KHDC1: variants seen among roughly 807,000 people sequenced by gnomAD.
KHDC1 encodes the protein KH homology domain-containing protein 1.
KHDC1 carries 21 observed loss-of-function variants against 24.7 expected under a neutral mutation model. That is an observed-to-expected ratio of 0.85 (90% CI 0.60 to 1.23). The LOEUF is 1.23. KHDC1 is among the 50% of genes most tolerant of loss of function. The probability of loss-of-function intolerance (pLI) is 0.00; values close to 1 mark genes in which losing one functional copy is unlikely to be tolerated. For missense variants in KHDC1, 274 were observed against 298.5 expected, an observed-to-expected ratio of 0.92 and a Z score of 0.61; for synonymous variants, 98 against 111.7, an observed-to-expected ratio of 0.88 and a Z score of 0.77.
chr6:73,265,422 G>A (rs966973202), intron 2 of KHDC1, among the ~76,000 whole-genome samples: 8 of 151,756 alleles, frequency 5.3e-5, no homozygotes, highest in South Asian at 4.2e-4. Flanking sequence ...CCAGCTACTC[G>A]GGAGGCTGAG....
In KHDC1 at chr6:73,263,158, C is replaced by T. The variant is rs1033939924; in HGVS notation, c.207-20628G>A. ...CACCCGACCCTTCCAGGGGTCCCGG[C>T]TCGCGCCGCGGCCGCGCGAGGCGCG... On this transcript the variant is annotated intron_variant, in intron 2 of 4. Coordinates refer to ENST00000370384, the Ensembl canonical transcript of KHDC1. 87 of 987,448 alleles carry T rather than the reference C, an allele frequency of 8.8e-5. No homozygotes were observed. In the Admixed American group the frequency reaches 1.0e-3, roughly 12 times the overall value. 61.2% of individuals were successfully genotyped at this position (987,448 alleles called of 1,614,324 possible).
At chr6:73,275,795 C>G (rs1767279721) in intron 2 of KHDC1, 1 of 152,908 alleles carries the variant, frequency 6.5e-6, no homozygotes, top group Admixed American at 6.6e-5. Context: ...TCCTGGTGTT[C>G]CAGAAGGAGT....
At chr6:73,281,718 A>C (rs996990089) in intron 2 of KHDC1, among the ~76,000 whole-genome samples, 5 of 151,812 alleles carry the variant, frequency 3.3e-5, no homozygotes, top group African/African-American at 1.2e-4. Context: ...TATTATTAAC[A>C]TCTTATATTA....
Position 73,304,670 on chromosome 6 carries a change from A to G in KHDC1, c.163+4882T>C, listed in dbSNP as rs187697575. On this transcript the variant is annotated intron_variant, in intron 1 of 4. Coordinates refer to ENST00000370384, the Ensembl canonical transcript of KHDC1. ...TGACATATATTACATACTTTAAAAC[A>G]AAAATTAAGTAAAATCAAAGAAAAG... 1.2e-4 allele frequency among the ~76,000 whole-genome samples: 18 copies of G among 152,286 alleles called. No individual in the cohort carries two copies. The East Asian group carries it at 3.5e-3, about 29-fold the overall frequency.
chr6:73,294,420 G>A (rs923671471), intron 1 of KHDC1, among the ~76,000 whole-genome samples: 2 of 151,980 alleles, frequency 1.3e-5, no homozygotes, highest in Admixed American at 1.3e-4. Flanking sequence ...ATACATATTT[G>A]TGGAATAATT....
intron 2 of KHDC1, among the ~76,000 whole-genome samples, chr6:73,261,121 C>T (rs1766972316): frequency 6.6e-6 from 1 of 152,204 alleles, no homozygotes; most frequent in South Asian, 2.1e-4. Context: ...AAGTCTTGCC[C>T]TCTCTTTAGA....
intron 2 of KHDC1, chr6:73,269,225 C>G (rs12530026): frequency 6.5e-6 from 1 of 152,934 alleles, no homozygotes. Context: ...AAGCACCGCG[C>G]ACAGCCCCGG....
chr6:73,285,437 T>C (rs1359386306), intron 2 of KHDC1, among the ~76,000 whole-genome samples: 1 of 151,964 alleles, frequency 6.6e-6, no homozygotes, highest in Non-Finnish European at 1.5e-5. Context: ...GTTCAAGCAA[T>C]TCTCCTGCCT....
In KHDC1 at chr6:73,242,463, T is replaced by G. The variant is rs757105696; in HGVS notation, c.274A>C (p.Asn92His). Residue 92 changes from asparagine (N) to histidine (H), a missense_variant, in exon 3 of 5, where the codon AAC (asparagine) becomes CAC (histidine). By Grantham distance (68) the Asn-to-His change is moderately conservative (BLOSUM62 1). Coordinates refer to ENST00000370384, the Ensembl canonical transcript of KHDC1. ...TGAAACACCATTGGTGCATGAAAGT[T>G]TTGAGGCAGGGTCCACCACGGCTTC... The G allele has an allele frequency of 2.2e-5, 35 of 1,614,040 alleles. No homozygotes were observed. The highest frequency in any genetic ancestry group is 3.0e-5 in the Non-Finnish European group (35 of 1,180,032).
intron 2 of KHDC1, among the ~76,000 whole-genome samples, chr6:73,253,461 G>A (rs997224916): frequency 1.3e-5 from 2 of 152,006 alleles, no homozygotes; most frequent in Non-Finnish European, 2.9e-5. Context: ...GCTGAGGCAG[G>A]AGAATGGTGT....
intron 2 of KHDC1, among the ~76,000 whole-genome samples, chr6:73,289,556 C>A (rs183080197): frequency 4.6e-5 from 7 of 151,378 alleles, no homozygotes; most frequent in African/African-American, 1.2e-4. Flanking sequence ...GAGGCTGACA[C>A]ATGAGAATCA....
At chr6:73,242,941 A>C (rs187795515) in intron 2 of KHDC1, among the ~76,000 whole-genome samples, 50 of 152,286 alleles carry the variant, frequency 3.3e-4, no homozygotes, top group South Asian at 8.3e-4. Flanking sequence ...GTATTCCAAC[A>C]AGACGGGGTT....
At chr6:73,304,243 A>G (rs887225489) in intron 1 of KHDC1, among the ~76,000 whole-genome samples, 2 of 152,198 alleles carry the variant, frequency 1.3e-5, no homozygotes, top group African/African-American at 4.8e-5. Flanking sequence ...GAAGCTGTGT[A>G]GTGGGTGTAT....
chr6:73,255,692 G>T (rs576841325), intron 2 of KHDC1, among the ~76,000 whole-genome samples: 1 of 148,922 alleles, frequency 6.7e-6, no homozygotes, highest in South Asian at 2.2e-4. Context: ...ACCTGAGGTC[G>T]GGAGTTCAAG....
At chr6:73,284,085 A>G (rs1264683752) in intron 2 of KHDC1, among the ~76,000 whole-genome samples, 1 of 152,142 alleles carries the variant, frequency 6.6e-6, no homozygotes, top group African/African-American at 2.4e-5. Context: ...GGCAAGGATG[A>G]TAATCGTTCC....
At chr6:73,289,072 G>T (rs575991025) in intron 2 of KHDC1, among the ~76,000 whole-genome samples, 12 of 152,222 alleles carry the variant, frequency 7.9e-5, no homozygotes, top group African/African-American at 2.9e-4. Flanking sequence ...AGTGGCTCAT[G>T]CCTGTAATAT....
At chr6:73,309,385 C>G (rs987036492) in intron 1 of KHDC1, among the ~76,000 whole-genome samples, 1 of 152,178 alleles carries the variant, frequency 6.6e-6, no homozygotes, top group African/African-American at 2.4e-5. Context: ...ACTCACAAAC[C>G]AGGAGGCACA....
intron 2 of KHDC1, among the ~76,000 whole-genome samples, chr6:73,271,924 A>G (rs535067410): frequency 6.6e-6 from 1 of 151,776 alleles, no homozygotes; most frequent in Non-Finnish European, 1.5e-5. Flanking sequence ...GAGGTTGATC[A>G]GTATGTACTG....
chr6:73,307,403 G>A (rs1241275384), intron 1 of KHDC1, among the ~76,000 whole-genome samples: 2 of 152,080 alleles, frequency 1.3e-5, no homozygotes, highest in Admixed American at 6.6e-5. Context: ...CCAGCCTGGC[G>A]ACAGAGCGAG....
Sources: gnomAD v4.1 joint callset for allele counts (sites outside exome capture counted in the v4.1 genomes callset) on GRCh38, gnomAD v4.1.1 for gene constraint, MANE v1.5 for transcripts, NCBI Gene and HGNC (gene_info 2026-07-23, HGNC 2026-07-21) for gene names.